The following OR56A3 variants were observed in gnomAD, a reference collection of about 807,000 sequenced individuals.
OR56A3 encodes the protein olfactory receptor family 56 subfamily A member 3, also known as olfactory receptor 56A3.
In OR56A3, 23 loss-of-function variants were observed where a neutral mutation model predicts 17.5. The observed-to-expected ratio is 1.32, with a 90% confidence interval of 0.95 to 1.87. OR56A3 has a LOEUF of 1.87. Among genes scored for constraint, OR56A3 ranks in the 40% most tolerant of loss-of-function variants. The probability of loss-of-function intolerance (pLI) is 0.00; values close to 1 mark genes in which losing one functional copy is unlikely to be tolerated. For missense variants in OR56A3, 366 were observed against 380.1 expected, an observed-to-expected ratio of 0.96 and a Z score of 0.31; for synonymous variants, 175 against 150.6, an observed-to-expected ratio of 1.16 and a Z score of -1.19.
the OR56A3 span, among the ~76,000 whole-genome samples, chr11:5,969,577 G>A: frequency 2.0e-5 from 3 of 152,084 alleles, no homozygotes; most frequent in Non-Finnish European, 4.4e-5. Flanking sequence ...CCTGACTTAT[G>A]GATTATCCAG....
At chr11:6,018,329 T>C in the OR56A3 span, among the ~76,000 whole-genome samples, 1 of 152,094 alleles carries the variant, frequency 6.6e-6, no homozygotes, top group African/African-American at 2.4e-5. Flanking sequence ...AGAATATGTA[T>C]TGGGCCACAA....
the OR56A3 span, among the ~76,000 whole-genome samples, chr11:5,990,259 T>C: frequency 6.8e-4 from 103 of 152,248 alleles, no homozygotes; most frequent in African/African-American, 2.3e-3. Context: ...ATAAGTGCAC[T>C]AGTGTCTTAA....
chr11:5,999,491 C>T, the OR56A3 span: 35 of 152,230 alleles, frequency 2.3e-4, no homozygotes, highest in East Asian at 3.1e-3. Context: ...TTCACAAAAG[C>T]GGAGTACACA....
At chr11:5,984,647 T>C in the OR56A3 span, among the ~76,000 whole-genome samples, 1 of 152,336 alleles carries the variant, frequency 6.6e-6, no homozygotes, top group Middle Eastern at 3.4e-3. Context: ...CAATTCCTCC[T>C]GCAATAAAAA....
chr11:5,990,635 G>T, the OR56A3 span, among the ~76,000 whole-genome samples: 14 of 152,266 alleles, frequency 9.2e-5, 2 homozygotes, highest in South Asian at 2.1e-3. Context: ...GAAGAGGCAA[G>T]AACTTACAGA....
At chr11:5,974,239 T>A in the OR56A3 span, among the ~76,000 whole-genome samples, 1 of 152,074 alleles carries the variant, frequency 6.6e-6, no homozygotes, top group Non-Finnish European at 1.5e-5. Flanking sequence ...CCCGAGTAGC[T>A]GGGATTACAG....
At chr11:5,998,651 A>T in the OR56A3 span, among the ~76,000 whole-genome samples, 1 of 152,230 alleles carries the variant, frequency 6.6e-6, no homozygotes, top group Non-Finnish European at 1.5e-5. Context: ...AAGTTGGACT[A>T]AAATAAGAAC....
the OR56A3 span, among the ~76,000 whole-genome samples, chr11:5,976,907 C>T: frequency 3.9e-5 from 6 of 152,090 alleles, no homozygotes; most frequent in Non-Finnish European, 8.8e-5. Context: ...GTCTATTGTT[C>T]TCTTCTTTGT....
chr11:5,975,352 C>A, the OR56A3 span, among the ~76,000 whole-genome samples: 2 of 112,946 alleles, frequency 1.8e-5, no homozygotes, highest in African/African-American at 6.7e-5. Flanking sequence ...TGCTATCCCT[C>A]CCCCCTCCCC....
the OR56A3 span, among the ~76,000 whole-genome samples, chr11:5,961,308 A>G: frequency 1.3e-5 from 2 of 152,368 alleles, no homozygotes; most frequent in East Asian, 3.9e-4. Flanking sequence ...TGTCCAATAG[A>G]AAAGGGGGAA....
the OR56A3 span, among the ~76,000 whole-genome samples, chr11:6,010,982 T>A: frequency 2.6e-5 from 4 of 152,230 alleles, no homozygotes; most frequent in South Asian, 6.2e-4. Flanking sequence ...ATTTTCTGTA[T>A]GTGTATAACC....
the OR56A3 span, among the ~76,000 whole-genome samples, chr11:6,005,344 A>G: frequency 6.6e-6 from 1 of 152,160 alleles, no homozygotes; most frequent in Non-Finnish European, 1.5e-5. Flanking sequence ...ACCTGCCTTC[A>G]TGGATGTTAA....
At chr11:5,999,023 C>A in the OR56A3 span, among the ~76,000 whole-genome samples, 1 of 152,164 alleles carries the variant, frequency 6.6e-6, no homozygotes, top group Non-Finnish European at 1.5e-5. Context: ...GCTGTCCCTA[C>A]GTGTTTCCGA....
chr11:5,971,632 G>A, the OR56A3 span, among the ~76,000 whole-genome samples: 1 of 152,192 alleles, frequency 6.6e-6, no homozygotes, highest in African/African-American at 2.4e-5. Context: ...TGAACATACT[G>A]TCAGATGGAG....
In OR56A3 at chr11:5,947,827, C is replaced by T; in HGVS notation, c.481C>T (p.Leu161=). 1 of 1,614,200 alleles carries T rather than the reference C, an allele frequency of 6.2e-7. No individual in the cohort carries two copies. The highest frequency in any genetic ancestry group is 8.5e-7 in the Non-Finnish European group (1 of 1,180,030). The change falls in exon 3 of 3, where the codon CTG becomes TTG. Residue 161 remains leucine, a synonymous_variant. Transcript: ENST00000641160. The stretch of plus-strand genomic sequence containing the variant: ...TTTGACCAGAAATGTGCTTATGACT[C>T]TGCCCATCCCCATCCTTTCAGCACA... ...FILTRNVLMT[L]PIPILSAQLR... is the part of the protein sequence containing the mutation.
the OR56A3 span, among the ~76,000 whole-genome samples, chr11:5,996,024 GTCC>G: frequency 6.6e-6 from 1 of 152,066 alleles, no homozygotes; most frequent in African/African-American, 2.4e-5. Context: ...TTAATATAGT[GTCC>G]TCCAGGCTCA....
chr11:5,986,821 C>T, the OR56A3 span: 1 of 1,613,988 alleles, frequency 6.2e-7, no homozygotes, highest in Non-Finnish European at 8.5e-7. Context: ...TTCCTCTAAA[C>T]CTGGAATCCC....
the OR56A3 span, chr11:5,986,554 G>T: frequency 6.2e-7 from 1 of 1,613,934 alleles, no homozygotes; most frequent in Non-Finnish European, 8.5e-7. Context: ...CTCCATGGAG[G>T]AGAATGCATG....
the OR56A3 span, among the ~76,000 whole-genome samples, chr11:5,989,192 T>G: frequency 6.6e-6 from 1 of 152,238 alleles, no homozygotes; most frequent in African/African-American, 2.4e-5. Context: ...CACCTCTCAG[T>G]GCTTAACATT....
Sources: allele counts gnomAD v4.1 joint callset (sites outside exome capture counted in the v4.1 genomes callset), GRCh38; gene constraint gnomAD v4.1.1; transcripts MANE v1.5; gene names NCBI Gene and HGNC (gene_info 2026-07-23, HGNC 2026-07-21).